UIMC1: variants seen among roughly 807,000 people sequenced by gnomAD.
UIMC1 encodes ubiquitin interaction motif containing 1.
Under a neutral mutation model 84.9 loss-of-function variants are expected in UIMC1, and 42 were observed. The ratio of observed to expected loss-of-function variants is 0.49; its 90% CI spans 0.39 to 0.64. The LOEUF (loss-of-function observed/expected upper bound fraction) is 0.64. Among genes scored for constraint, UIMC1 ranks in the 30% least tolerant of loss-of-function variants. UIMC1 has a pLI of 0.00. For synonymous variants in UIMC1, 281 were observed against 293.0 expected (o/e 0.96, Z 0.42); for missense variants, 825 against 847.6 (o/e 0.97, Z 0.33).
upstream of UIMC1, among the ~76,000 whole-genome samples, chr5:177,008,232 T>A (rs556421439): frequency 2.8e-4 from 42 of 152,322 alleles, no homozygotes; most frequent in African/African-American, 1.0e-3. Context: ...CATTCTGGAA[T>A]GCCTTTGCCC....
intron 6 of UIMC1, among the ~76,000 whole-genome samples, chr5:176,966,815 GACT>G (rs1342798047): frequency 6.7e-6 from 1 of 148,836 alleles, no homozygotes; most frequent in Non-Finnish European, 1.5e-5. Context: ...TATCACAAAG[GACT>G]ACTTTCTCTA....
chr5:176,969,037 C>T lies in UIMC1; in HGVS notation c.718G>A (p.Gly240Ser), dbSNP rs769094015. The T allele has an allele frequency of 3.7e-6, 6 of 1,614,086 alleles. No homozygotes were observed. The Admixed American group carries it at 6.7e-5, about 18-fold the overall frequency. The change falls in exon 6 of 15, where the codon GGT becomes AGT. Residue 240 changes from glycine to serine, a missense_variant. Transcript: ENST00000511320. ...TGGACAGCTTTGAGAAAAGCAGAAC[C>T]CCTCCCAGTACTTTCCTGTGGCTTC... ...CGKPQESTGR[G>S]SAFLKAVQGS...
chr5:177,021,507 C>T (rs1487439059), intron 1 of UIMC1, among the ~76,000 whole-genome samples: 2 of 152,044 alleles, frequency 1.3e-5, no homozygotes, highest in Admixed American at 6.6e-5. Flanking sequence ...GAGACTGAGC[C>T]ATGAAGATAT....
intron 10 of UIMC1, among the ~76,000 whole-genome samples, chr5:176,930,296 T>C (rs1023156747): frequency 2.6e-5 from 4 of 152,212 alleles, no homozygotes; most frequent in Non-Finnish European, 5.9e-5. Context: ...TTAAAAAATA[T>C]ATTGACCACC....
In UIMC1 at chr5:176,943,316, T is replaced by A. The variant is rs1241047374; in HGVS notation, c.1597+19A>T. The A allele has an allele frequency of 6.2e-7, 1 of 1,609,358 alleles. No homozygotes were observed. Among genetic ancestry groups the A allele is most frequent in the Admixed American group, 1.7e-5 (1 of 59,020 alleles). ...CCACACAAAAAAGTAAGAGTTTGGCTGTCCTGCTGGGTCTTTACCTGTATC... is the reference window on the plus strand; with the variant it reads ...CCACACAAAAAAGTAAGAGTTTGGCAGTCCTGCTGGGTCTTTACCTGTATC... On this transcript the variant is annotated intron_variant, in intron 10 of 14. Transcript: ENST00000511320.
chr5:176,955,524 T>C (rs892051676), intron 8 of UIMC1, among the ~76,000 whole-genome samples: 2 of 152,080 alleles, frequency 1.3e-5, no homozygotes, highest in African/African-American at 4.8e-5. Flanking sequence ...AGCCCCGAAG[T>C]TCAAGGCTGC....
rs774778955 is a variant in UIMC1 at position 176,905,477 on chromosome 5, C to T, written c.1965G>A (p.Gly655=). 2 of 1,613,962 alleles carry T rather than the reference C, an allele frequency of 1.2e-6. No homozygotes were observed. The highest frequency in any genetic ancestry group is 1.7e-6 in the Non-Finnish European group (2 of 1,179,962). Residue 655 remains glycine (G), a synonymous_variant, in exon 15 of 15, where the codon GGG becomes GGA. Coordinates refer to ENST00000511320, the MANE Select transcript of UIMC1 (RefSeq NM_001199298.2). ...ETGAFRVPSP[G]MEEAGCSREM... is the part of the protein sequence containing the mutation. ...CTCTGCTGCAGCCTGCCTCTTCCAT[C>T]CCTGGTGAAGGCACCCTAGAGAGAA...
intron 10 of UIMC1, among the ~76,000 whole-genome samples, chr5:176,915,130 A>C (rs548107454): frequency 4.6e-5 from 7 of 152,298 alleles, no homozygotes; most frequent in African/African-American, 1.7e-4. Flanking sequence ...AGTACTGTCC[A>C]TATACCACTA....
chr5:176,908,194 G>C (rs1759654215), intron 12 of UIMC1, among the ~76,000 whole-genome samples: 1 of 152,154 alleles, frequency 6.6e-6, no homozygotes, highest in East Asian at 1.9e-4. Flanking sequence ...AGGGAGAATA[G>C]TGTTAATTAC....
intron 10 of UIMC1, among the ~76,000 whole-genome samples, chr5:176,927,492 G>C (rs1762523566): frequency 6.6e-6 from 1 of 152,000 alleles, no homozygotes; most frequent in Non-Finnish European, 1.5e-5. Context: ...GACCGCAAGT[G>C]ATTCACCCAC....
chr5:176,977,146 C>G (rs553858949), intron 2 of UIMC1, among the ~76,000 whole-genome samples: 2 of 151,144 alleles, frequency 1.3e-5, no homozygotes, highest in East Asian at 3.9e-4. Flanking sequence ...TCACTTGAAC[C>G]CGGGAGGCAG....
chr5:176,960,391 G>A (rs1659073536), intron 6 of UIMC1, among the ~76,000 whole-genome samples: 1 of 152,010 alleles, frequency 6.6e-6, no homozygotes, highest in South Asian at 2.1e-4. Flanking sequence ...CATAAAGTGA[G>A]GTTCTTCCAG....
chr5:176,919,115 T>G (rs536087843), intron 10 of UIMC1: 2 of 315,654 alleles, frequency 6.3e-6, no homozygotes, highest in Non-Finnish European at 1.2e-5. Flanking sequence ...CACTGAGATA[T>G]ATTCATGTAC....
At chr5:177,016,490 G>C (rs952697150) in intron 1 of UIMC1, among the ~76,000 whole-genome samples, 4 of 148,936 alleles carry the variant, frequency 2.7e-5, no homozygotes, top group African/African-American at 1.0e-4. Context: ...AAAAGATCGA[G>C]ACCATCCTGG....
At chr5:176,907,065 CTGAAAGG>C (rs1561700874) in intron 13 of UIMC1, 42 bp downstream of exon 13, 1 of 1,591,180 alleles carries the variant, frequency 6.3e-7, no homozygotes, top group Admixed American at 1.7e-5. Context: ...GCTATCTTCA[CTGAAAGG>C]CCTTAGGCAG....
chr5:176,963,166 A>T lies in UIMC1; in HGVS notation c.1201-5012T>A, dbSNP rs1357916686. On this transcript the variant is annotated intron_variant, in intron 6 of 14. Coordinates refer to ENST00000511320, the MANE Select transcript of UIMC1 (RefSeq NM_001199298.2). ...CAATAAAAAAATAAATTAAAAAAAAAAAAAAAAAAAAAAAAAAAAAATTCA... is the reference window on the plus strand; with the variant it reads ...CAATAAAAAAATAAATTAAAAAAAATAAAAAAAAAAAAAAAAAAAAATTCA... Among the ~76,000 whole-genome samples, 232 of 28,824 alleles carry T rather than the reference A, an allele frequency of 8.0e-3. 90 individuals are homozygous for T. In the African/African-American group the frequency reaches 0.11, roughly 14 times the overall value. 18.9% of individuals were successfully genotyped at this position (28,824 alleles called of 152,430 possible). A position where few individuals can be genotyped will look rare whatever the true frequency, so the allele number is the denominator to read the frequency against.
intron 2 of UIMC1, among the ~76,000 whole-genome samples, chr5:176,979,637 T>C (rs1214338585): frequency 2.0e-5 from 3 of 151,452 alleles, no homozygotes; most frequent in East Asian, 1.9e-4. Context: ...AAGAATGCAA[T>C]TGGGAAGGGA....
At chr5:176,912,482 T>G (rs1045330698) in intron 10 of UIMC1, among the ~76,000 whole-genome samples, 2 of 150,706 alleles carry the variant, frequency 1.3e-5, no homozygotes, top group Non-Finnish European at 3.0e-5. Context: ...TTGTTTTTTT[T>G]TTTTTTTGAG....
rs112717670 is a variant in UIMC1, at chr5:176,969,423, T to C, written c.464-132A>G. 8 of 1,404,442 alleles carry C rather than the reference T, an allele frequency of 5.7e-6. No individual in the cohort carries two copies. In the African/African-American group the frequency reaches 1.0e-4, roughly 18 times the overall value. The allele number at this position is 1,404,442 out of a possible 1,614,324, so 87.0% of individuals were successfully genotyped here. ...TTCTTTGGGTTTAACCAAATGTTGGTTTTTCCTTGGAGATAAAAGTATGCC... is the reference window on the plus strand; with the variant it reads ...TTCTTTGGGTTTAACCAAATGTTGGCTTTTCCTTGGAGATAAAAGTATGCC... On this transcript the variant is annotated intron_variant, in intron 5 of 14. Coordinates refer to ENST00000511320, the MANE Select transcript of UIMC1 (RefSeq NM_001199298.2).
Sources: gnomAD v4.1 joint callset for allele counts (sites outside exome capture counted in the v4.1 genomes callset) on GRCh38, gnomAD v4.1.1 for gene constraint, MANE v1.5 for transcripts, NCBI Gene and HGNC (gene_info 2026-07-23, HGNC 2026-07-21) for gene names.